The following CHIC2 variants were observed in gnomAD, a reference collection of about 807,000 sequenced individuals.
CHIC2 encodes the protein cysteine rich hydrophobic domain 2.
In CHIC2, 14 loss-of-function variants were observed where a neutral mutation model predicts 25.9. That is an observed-to-expected ratio of 0.54 (90% confidence interval 0.36 to 0.85). The LOEUF (loss-of-function observed/expected upper bound fraction) is 0.85. CHIC2 is among the 40% of genes least tolerant of loss of function. The pLI is 0.01. For missense variants in CHIC2, 146 were observed against 202.0 expected (o/e 0.72, Z 1.68); for synonymous variants, 70 against 72.0 (o/e 0.97, Z 0.14).
At chr4:54,065,290 A>G (rs2110098481), upstream of CHIC2, 1 of 984,560 alleles carries the variant, frequency 1.0e-6, no homozygotes, top group Non-Finnish European at 1.2e-6. Flanking sequence ...TATGAAAAAA[A>G]ACTGATAAAT....
intron 3 of CHIC2, among the ~76,000 whole-genome samples, chr4:54,042,020 A>C (rs1716593872): frequency 6.6e-6 from 1 of 152,042 alleles, no homozygotes; most frequent in Non-Finnish European, 1.5e-5. Context: ...TAAAAAAAAA[A>C]AAAAGGAAAA....
the CHIC2 span, among the ~76,000 whole-genome samples, chr4:54,081,719 CTGTTGT>C: frequency 6.6e-6 from 1 of 151,712 alleles, no homozygotes; most frequent in African/African-American, 2.4e-5. Flanking sequence ...TTGCTTGTTG[CTGTTGT>C]TGTTGTTGTT....
rs1715672667 is a variant in CHIC2, at chr4:54,014,111, T to C, written c.339A>G (p.Arg113=). Residue 113 remains arginine, a synonymous_variant, in exon 4 of 6, where the codon AGA becomes AGG. Transcript: ENST00000263921. The part of the protein sequence containing the change: ...PVICLSKRTR[R]SIEKLLEWEN... ...CCCATTCTAATAACTTCTCAATCGA[T>C]CTTCGTGTCTGGAAGACAAATGAGA... 1.2e-6 allele frequency: 2 copies of C among 1,613,222 alleles called. No homozygotes were observed. Among genetic ancestry groups the C allele is most frequent in the Non-Finnish European group, 8.5e-7 (1 of 1,179,472 alleles).
the CHIC2 span, among the ~76,000 whole-genome samples, chr4:54,081,039 T>C: frequency 7.7e-3 from 1,152 of 149,282 alleles, 17 homozygotes; most frequent in African/African-American, 0.026. Flanking sequence ...GTCAATTAAA[T>C]ATATACAAAT....
intron 3 of CHIC2, among the ~76,000 whole-genome samples, chr4:54,021,183 A>G (rs1446328795): frequency 1.3e-5 from 2 of 152,164 alleles, no homozygotes; most frequent in African/African-American, 2.4e-5. Flanking sequence ...GCTTGACCCC[A>G]ATACAAACTC....
intron 3 of CHIC2, among the ~76,000 whole-genome samples, chr4:54,043,203 C>T (rs920242704): frequency 4.6e-5 from 7 of 152,034 alleles, no homozygotes; most frequent in African/African-American, 1.4e-4. Flanking sequence ...GGATGGATCA[C>T]GAGGTCAGGA....
the CHIC2 span, among the ~76,000 whole-genome samples, chr4:54,082,157 T>C: frequency 2.6e-5 from 4 of 152,252 alleles, no homozygotes; most frequent in African/African-American, 9.6e-5. Context: ...TGTGCATTGA[T>C]ATACCATTTT....
intron 3 of CHIC2, 124 bp from the exon 4 acceptor site, chr4:54,014,243 C>A: frequency 1.4e-6 from 1 of 708,558 alleles, no homozygotes; most frequent in Non-Finnish European, 2.4e-6. Context: ...TGGTGTGCAT[C>A]ACTATCGATG....
the CHIC2 span, among the ~76,000 whole-genome samples, chr4:54,077,592 A>G: frequency 6.6e-6 from 1 of 152,044 alleles, no homozygotes; most frequent in Non-Finnish European, 1.5e-5. Flanking sequence ...AGGAACAGAC[A>G]GGTTATTTTG....
At chr4:54,013,722 C>G (rs1715659201) in intron 5 of CHIC2, 115 bp downstream of exon 5, 2 of 969,670 alleles carry the variant, frequency 2.1e-6, no homozygotes, top group South Asian at 3.1e-5. Context: ...TCCTTGCACT[C>G]AGGAGATTAA....
chr4:54,091,045 A>G, the CHIC2 span, among the ~76,000 whole-genome samples: 2 of 152,052 alleles, frequency 1.3e-5, no homozygotes, highest in African/African-American at 4.8e-5. Flanking sequence ...CTATAGGCAC[A>G]CCATGGGTGC....
chr4:54,010,130 A>G lies in CHIC2; in HGVS notation c.463T>C (p.Phe155Leu). Residue 155 changes from phenylalanine (F) to leucine (L), a missense_variant, in exon 6 of 6, where the codon TTT (phenylalanine) becomes CTT (leucine). Phe to Leu is a conservative substitution (Grantham distance 22). Coordinates refer to ENST00000263921, the MANE Select transcript of CHIC2 (RefSeq NM_012110.4). Reference sequence around the variant, plus strand: ...CGAAAAATCGGTGTCTTTGGTAAAAATTCTATGAGGATGACCTGTAAAAGG... The same window carrying G: ...CGAAAAATCGGTGTCTTTGGTAAAAGTTCTATGAGGATGACCTGTAAAAGG... ...NMMEYVILIE[F>L]LPKTPIFRPD The G allele has an allele frequency of 6.2e-7, 1 of 1,607,656 alleles. No individual in the cohort carries two copies. Among genetic ancestry groups the G allele is most frequent in the Non-Finnish European group, 8.5e-7 (1 of 1,174,706 alleles).
chr4:54,052,102 T>C (rs1005279722), intron 1 of CHIC2, among the ~76,000 whole-genome samples: 1 of 147,742 alleles, frequency 6.8e-6, no homozygotes, highest in African/African-American at 2.5e-5. Flanking sequence ...TCCTTTGCTA[T>C]GTTTTTCATC....
intron 3 of CHIC2, among the ~76,000 whole-genome samples, chr4:54,037,553 T>C (rs1246175037): frequency 3.3e-5 from 5 of 152,134 alleles, no homozygotes; most frequent in Admixed American, 2.6e-4. Context: ...CATCAAATAA[T>C]ATACTTTAAG....
chr4:54,062,238 A>G (rs1198343229), intron 1 of CHIC2, among the ~76,000 whole-genome samples: 1 of 152,220 alleles, frequency 6.6e-6, no homozygotes, highest in Non-Finnish European at 1.5e-5. Context: ...CACAATGTAG[A>G]AAGGCATACT....
intron 3 of CHIC2, among the ~76,000 whole-genome samples, chr4:54,047,869 A>C (rs1716884260): frequency 6.6e-6 from 1 of 151,972 alleles, no homozygotes. Context: ...TATTTATTTA[A>C]AAAAATTTTT....
At chr4:54,066,911 CAG>C (rs1238078977), upstream of CHIC2, among the ~76,000 whole-genome samples, 1 of 152,226 alleles carries the variant, frequency 6.6e-6, no homozygotes. Context: ...TATGTAGAAA[CAG>C]TGGCCAAGAT....
the CHIC2 span, among the ~76,000 whole-genome samples, chr4:54,080,942 G>GTGTATATATATA: frequency 9.9e-6 from 1 of 101,126 alleles, no homozygotes; most frequent in Non-Finnish European, 2.0e-5. Context: ...ATGTGTGTGT[G>GTGTATATATATA]TATATATATA....
At chr4:54,072,545 T>C in the CHIC2 span, among the ~76,000 whole-genome samples, 4 of 152,202 alleles carry the variant, frequency 2.6e-5, no homozygotes, top group African/African-American at 9.6e-5. Flanking sequence ...AATAATTGTA[T>C]TAAATATCTA....
Sources: allele counts gnomAD v4.1 joint callset (sites outside exome capture counted in the v4.1 genomes callset), GRCh38; gene constraint gnomAD v4.1.1; transcripts MANE v1.5; gene names NCBI Gene and HGNC (gene_info 2026-07-23, HGNC 2026-07-21).